The following PKHD1L1 variants were observed in gnomAD, a reference collection of about 807,000 sequenced individuals.
PKHD1L1 encodes fibrocystin-L.
A neutral mutation model predicts 462.9 loss-of-function variants in PKHD1L1; 434 were observed. The ratio of observed to expected loss-of-function variants is 0.94; its 90% CI spans 0.87 to 1.02. The LOEUF (loss-of-function observed/expected upper bound fraction) is 1.02. Among genes scored for constraint, PKHD1L1 ranks in the 50% least tolerant of loss-of-function variants. The pLI is 0.00. For missense variants in PKHD1L1, 5,202 were observed against 5,096.1 expected (o/e 1.02, Z -0.63); for synonymous variants, 1,781 against 1,750.0 (o/e 1.02, Z -0.44).
chr8:109,441,449 T>C, intron 34 of PKHD1L1, 70 bp downstream of exon 34: 1 of 928,506 alleles, frequency 1.1e-6, no homozygotes, highest in South Asian at 1.7e-5. Context: ...TTTTTATTTA[T>C]TTTATATTTC....
At chr8:109,419,431 T>G (rs1235898697) in intron 22 of PKHD1L1, among the ~76,000 whole-genome samples, 171 bp downstream of exon 22, 3 of 152,232 alleles carry the variant, frequency 2.0e-5, no homozygotes, top group Non-Finnish European at 4.4e-5. Context: ...TAGTGCAAAG[T>G]GATTATTCCA....
intron 23 of PKHD1L1, among the ~76,000 whole-genome samples, chr8:109,421,947 T>A (rs1162348809): frequency 1.3e-5 from 2 of 152,160 alleles, no homozygotes; most frequent in Admixed American, 1.3e-4. Flanking sequence ...GGACTTAGAT[T>A]TTTGTGACCT....
chr8:109,472,278 TTAAC>T (rs1817761642), intron 50 of PKHD1L1, among the ~76,000 whole-genome samples: 1 of 152,138 alleles, frequency 6.6e-6, no homozygotes, highest in Admixed American at 6.6e-5. Flanking sequence ...ATATATTCCT[TTAAC>T]TATTAATTTT....
intron 57 of PKHD1L1, 126 bp downstream of exon 57, chr8:109,483,231 G>A: frequency 1.5e-6 from 1 of 668,040 alleles, no homozygotes; most frequent in Admixed American, 4.2e-5. Context: ...TGTGTATTTT[G>A]CAATAAGCTT....
At chr8:109,394,763 A>G (rs1365449047) in intron 10 of PKHD1L1, among the ~76,000 whole-genome samples, 2 of 152,218 alleles carry the variant, frequency 1.3e-5, no homozygotes, top group African/African-American at 4.8e-5. Flanking sequence ...AACTTTGGCT[A>G]TTGGTAGAGG....
intron 70 of PKHD1L1, among the ~76,000 whole-genome samples, 184 bp from the exon 71 acceptor site, chr8:109,510,593 T>C (rs1819920111): frequency 6.6e-6 from 1 of 152,134 alleles, no homozygotes; most frequent in African/African-American, 2.4e-5. Context: ...GCCTTCCTTT[T>C]TAAGCCAAGG....
At position 109,464,407 on chromosome 8, in the gene PKHD1L1, AT is replaced by A. The variant is rs1367468478; in HGVS notation, c.7581del (p.Phe2527LeufsTer2). 4.3e-6 allele frequency: 7 copies of A among 1,613,390 alleles called. No homozygotes were observed. The highest frequency in any genetic ancestry group is 4.2e-6 in the Non-Finnish European group (5 of 1,179,674). ...NIIYDIKGGA[F>X]FIEDGIEHGN... ...TTATATATGATATTAAGGGAGGAGC[AT>A]TTTTTATAGAAGATGGTATTGAACA... On this transcript the variant is annotated frameshift_variant, in exon 49 of 78. Coordinates refer to ENST00000378402, the MANE Select transcript of PKHD1L1 (RefSeq NM_177531.6). LOFTEE classifies it high-confidence loss of function.
chr8:109,370,970 C>T (rs557849050), intron 2 of PKHD1L1, among the ~76,000 whole-genome samples: 12 of 152,136 alleles, frequency 7.9e-5, no homozygotes, highest in African/African-American at 1.2e-4. Flanking sequence ...AATAAACATA[C>T]GTGTGCATGT....
chr8:109,363,309 C>T (rs1306798838), intron 1 of PKHD1L1, among the ~76,000 whole-genome samples: 1 of 152,034 alleles, frequency 6.6e-6, no homozygotes, highest in African/African-American at 2.4e-5. Flanking sequence ...TATGAATGTG[C>T]GGGAATAAGA....
Position 109,498,490 on chromosome 8 carries a change from G to GGTTTAATT in PKHD1L1, c.10630_10637dup (p.Ser3547LeufsTer7). 6.2e-7 allele frequency: 1 copy of GGTTTAATT among 1,612,838 alleles called. No homozygotes were observed. The highest frequency in any genetic ancestry group is 1.1e-5 in the South Asian group (1 of 91,052). Reference sequence around the variant, plus strand: ...TCATTAATTGTTGGAAGTAGCCCTGGGTTTAATTGCTCTGATGTCCTAACT... The same window carrying GGTTTAATT: ...TCATTAATTGTTGGAAGTAGCCCTGGGTTTAATTGTTTAATTGCTCTGATGTCCTAACT... On this transcript the variant is annotated frameshift_variant, in exon 66 of 78. Transcript: ENST00000378402. LOFTEE classifies it high-confidence loss of function.
At position 109,522,730 on chromosome 8, in the gene PKHD1L1, T is replaced by C; in HGVS notation, c.12184-14T>C. The C allele has an allele frequency of 3.1e-6, 5 of 1,601,326 alleles. No individual in the cohort carries two copies. Among genetic ancestry groups the C allele is most frequent in the African/African-American group, 1.3e-5 (1 of 74,648 alleles). The stretch of plus-strand genomic sequence containing the variant: ...TATCATGAAGAAACCAGTTCATCCC[T>C]TGTGCATTCACAGGTGACTGCCCAG... On this transcript the variant is annotated splice_polypyrimidine_tract_variant and intron_variant, in intron 74 of 77. Transcript: ENST00000378402.
chr8:109,415,001 A>T (rs866655558), intron 21 of PKHD1L1, among the ~76,000 whole-genome samples: 28 of 125,754 alleles, frequency 2.2e-4, no homozygotes, highest in African/African-American at 5.7e-4. Flanking sequence ...TATTATTATT[A>T]TTATTATTAT....
Position 109,385,549 on chromosome 8 carries a change from C to T in PKHD1L1, c.488C>T (p.Thr163Ile). 1 of 1,595,536 alleles carries T rather than the reference C, an allele frequency of 6.3e-7. No individual in the cohort carries two copies. The highest frequency in any genetic ancestry group is 8.6e-7 in the Non-Finnish European group (1 of 1,168,860). Residue 163 changes from threonine to isoleucine, a missense_variant, in exon 6 of 78, where the codon ACA (threonine) becomes ATA (isoleucine). This residue lies in a region of PKHD1L1 where 4,497 missense variants were observed against 4,336.8 expected (regional missense o/e 1.04). Transcript: ENST00000378402. Reference sequence around the variant, plus strand: ...TGTTTGTTTTCAGGTACACTAATAACAATCCAAGGCAGAATCTTCACTGAT... The same window carrying T: ...TGTTTGTTTTCAGGTACACTAATAATAATCCAAGGCAGAATCTTCACTGAT... ...PLSGTPGTLI[T>I]IQGRIFTDVY...
At chr8:109,368,395 C>T (rs1467137712) in intron 2 of PKHD1L1, among the ~76,000 whole-genome samples, 1 of 152,178 alleles carries the variant, frequency 6.6e-6, no homozygotes, top group Non-Finnish European at 1.5e-5. Context: ...TGAGCCTTAG[C>T]TTACTCATCA....
At chr8:109,480,736 C>A in intron 55 of PKHD1L1, 2 of 352,832 alleles carry the variant, frequency 5.7e-6, no homozygotes, top group South Asian at 2.3e-5. Context: ...AAATAATAAG[C>A]AGTTAGCATT....
At chr8:109,524,552 C>T (rs897842) in intron 76 of PKHD1L1, among the ~76,000 whole-genome samples, 36,063 of 152,054 alleles carry the variant, frequency 0.24, 4,969 homozygotes, top group African/African-American at 0.34. Flanking sequence ...AAGAACCAAC[C>T]TTGTGACTAA....
At chr8:109,419,928 A>G (rs1042798662) in intron 22 of PKHD1L1, among the ~76,000 whole-genome samples, 1 of 151,298 alleles carries the variant, frequency 6.6e-6, no homozygotes, top group Non-Finnish European at 1.5e-5. Context: ...TTTTTAATGT[A>G]AATGCTACTA....
chr8:109,499,112 A>T (rs2130946358), intron 67 of PKHD1L1: 1 of 196,654 alleles, frequency 5.1e-6, no homozygotes, highest in East Asian at 1.3e-4. Flanking sequence ...GAAGAACCTT[A>T]AGCTCAAAGA....
At chr8:109,447,404 C>T (rs1031446816) in intron 38 of PKHD1L1, among the ~76,000 whole-genome samples, 10 of 152,062 alleles carry the variant, frequency 6.6e-5, no homozygotes, top group African/African-American at 1.2e-4. Context: ...GAGGGCACTG[C>T]GTTTGTAAAA....
Sources: allele counts gnomAD v4.1 joint callset (sites outside exome capture counted in the v4.1 genomes callset), GRCh38; gene constraint gnomAD v4.1.1; regional missense constraint gnomAD v4.1.1; transcripts MANE v1.5; gene names NCBI Gene and HGNC (gene_info 2026-07-23, HGNC 2026-07-21).